Variants in CACNA2D3 observed in about 807,000 individuals in gnomAD.
CACNA2D3 encodes calcium voltage-gated channel auxiliary subunit alpha2delta 3.
A neutral mutation model predicts 160.6 loss-of-function variants in CACNA2D3; 60 were observed. The ratio of observed to expected loss-of-function variants is 0.37; its 90% CI spans 0.30 to 0.46. The LOEUF is 0.46. CACNA2D3 is among the 20% of genes least tolerant of loss of function. The pLI is 1.00. For missense variants in CACNA2D3, 1,205 were observed against 1,365.0 expected (o/e 0.88, Z 1.85); for synonymous variants, 558 against 492.9 (o/e 1.13, Z -1.75).
chr3:54,995,127 C>A (rs1460352544), intron 31 of CACNA2D3, among the ~76,000 whole-genome samples: 2 of 152,058 alleles, frequency 1.3e-5, no homozygotes, highest in Non-Finnish European at 2.9e-5. Context: ...GCGCCCGCCA[C>A]CATGCCCAGT....
At chr3:54,360,120 T>C (rs1698717139) in intron 3 of CACNA2D3, among the ~76,000 whole-genome samples, 1 of 152,208 alleles carries the variant, frequency 6.6e-6, no homozygotes, top group Non-Finnish European at 1.5e-5. Context: ...TAATGTTTAT[T>C]GGAACGCAGC....
At chr3:54,342,639 A>G (rs1698378471) in intron 3 of CACNA2D3, among the ~76,000 whole-genome samples, 2 of 152,212 alleles carry the variant, frequency 1.3e-5, no homozygotes. Context: ...GTGACAAATC[A>G]TTGATAAGAA....
At chr3:54,170,891 T>G (rs1700549759) in intron 2 of CACNA2D3, among the ~76,000 whole-genome samples, 1 of 152,060 alleles carries the variant, frequency 6.6e-6, no homozygotes, top group Non-Finnish European at 1.5e-5. Flanking sequence ...TGTCAGATGT[T>G]TTAAACTAAA....
chr3:54,968,395 A>T, intron 27 of CACNA2D3, 55 bp from the exon 28 acceptor site: 2 of 1,177,770 alleles, frequency 1.7e-6, no homozygotes, highest in Non-Finnish European at 2.5e-6. Context: ...CGATAATCTT[A>T]AATAATTGTG....
chr3:54,654,518 G>A (rs1462709032), intron 11 of CACNA2D3, among the ~76,000 whole-genome samples: 1 of 152,140 alleles, frequency 6.6e-6, no homozygotes, highest in Admixed American at 6.5e-5. Context: ...AGTAGCAACT[G>A]CAGGCAACAG....
intron 14 of CACNA2D3, among the ~76,000 whole-genome samples, chr3:54,830,068 T>A (rs1328776196): frequency 6.6e-6 from 1 of 150,936 alleles, no homozygotes; most frequent in Non-Finnish European, 1.5e-5. Flanking sequence ...CTCAGCCTCC[T>A]GAGTAGCTGG....
At chr3:54,789,513 CA>C (rs1702706313) in intron 13 of CACNA2D3, among the ~76,000 whole-genome samples, 1 of 152,162 alleles carries the variant, frequency 6.6e-6, no homozygotes, top group South Asian at 2.1e-4. Flanking sequence ...AGCCAAGGCC[CA>C]AATGCTTCTC....
intron 3 of CACNA2D3, among the ~76,000 whole-genome samples, 155 bp downstream of exon 3, chr3:54,320,713 C>T (rs1434926681): frequency 6.6e-6 from 1 of 152,218 alleles, no homozygotes; most frequent in Non-Finnish European, 1.5e-5. Flanking sequence ...CCAGGAAAAG[C>T]AGTCACTAGG....
At position 54,517,733 on chromosome 3, in the gene CACNA2D3, G is replaced by A. The variant is rs551384473; in HGVS notation, c.544+14079G>A. On this transcript the variant is annotated intron_variant, in intron 5 of 37. Transcript: ENST00000474759. ...CCTGAGCCTCACAGGGCATCCAGGT[G>A]TCAGCTCACGTCTCCTGATGCCCCC... is the stretch of plus-strand genomic sequence containing the variant. Among the ~76,000 whole-genome samples, 793 of 152,264 alleles carry A rather than the reference G, an allele frequency of 5.2e-3. 5 individuals are homozygous for A. Among genetic ancestry groups the A allele is most frequent in the Non-Finnish European group, 9.2e-3 (624 of 68,018 alleles).
chr3:54,232,180 A>T (rs1701782370), intron 2 of CACNA2D3, among the ~76,000 whole-genome samples: 1 of 152,198 alleles, frequency 6.6e-6, no homozygotes, highest in Non-Finnish European at 1.5e-5. Flanking sequence ...AGTCAAACAG[A>T]TCGAGCATTC....
intron 2 of CACNA2D3, among the ~76,000 whole-genome samples, chr3:54,273,442 C>T (rs1329458950): frequency 6.6e-6 from 1 of 152,144 alleles, no homozygotes; most frequent in Non-Finnish European, 1.5e-5. Flanking sequence ...CTTTATTTCC[C>T]ACTGATTTCT....
intron 13 of CACNA2D3, among the ~76,000 whole-genome samples, chr3:54,776,773 T>A (rs1702433039): frequency 6.6e-6 from 1 of 152,102 alleles, no homozygotes; most frequent in African/African-American, 2.4e-5. Context: ...TGGACCCAAG[T>A]GTCCCCACAG....
intron 27 of CACNA2D3, chr3:54,918,916 C>T (rs758429363): frequency 6.6e-7 from 1 of 1,510,042 alleles, no homozygotes; most frequent in African/African-American, 1.4e-5. Flanking sequence ...AAGCAAAGAA[C>T]AATAACAAAG....
chr3:54,588,161 G>T (rs532394726), intron 9 of CACNA2D3, among the ~76,000 whole-genome samples: 1 of 152,182 alleles, frequency 6.6e-6, no homozygotes. Context: ...TAACATCCAT[G>T]TCAAATCAAT....
intron 10 of CACNA2D3, chr3:54,632,186 CAG>C (rs1699254598): frequency 6.6e-6 from 1 of 152,244 alleles, no homozygotes; most frequent in Non-Finnish European, 1.5e-5. Context: ...CAGATTGCAG[CAG>C]AGAATACCAG....
chr3:54,557,637 A>C (rs1418068947), intron 5 of CACNA2D3, among the ~76,000 whole-genome samples: 1 of 152,202 alleles, frequency 6.6e-6, no homozygotes, highest in Non-Finnish European at 1.5e-5. Context: ...GGAGGCAAGC[A>C]CCATGGATTT....
intron 11 of CACNA2D3, among the ~76,000 whole-genome samples, chr3:54,726,100 A>G (rs773601088): frequency 4.6e-5 from 7 of 152,212 alleles, no homozygotes; most frequent in Non-Finnish European, 8.8e-5. Context: ...AATCACAAGC[A>G]TTCCTATACA....
At chr3:54,740,042 A>C (rs1701618583) in intron 11 of CACNA2D3, among the ~76,000 whole-genome samples, 1 of 151,926 alleles carries the variant, frequency 6.6e-6, no homozygotes, top group Non-Finnish European at 1.5e-5. Flanking sequence ...ATGGAAGGCT[A>C]GGTGGGAGGG....
chr3:54,228,096 A>G (rs1416190184), intron 2 of CACNA2D3, among the ~76,000 whole-genome samples: 1 of 152,042 alleles, frequency 6.6e-6, no homozygotes, highest in Non-Finnish European at 1.5e-5. Flanking sequence ...ATTTTGTGTG[A>G]CCCTTTCCAA....
Sources: allele counts gnomAD v4.1 joint callset (sites outside exome capture counted in the v4.1 genomes callset), GRCh38; gene constraint gnomAD v4.1.1; transcripts MANE v1.5; gene names NCBI Gene and HGNC (gene_info 2026-07-23, HGNC 2026-07-21).